Variants in LRRFIP2 observed in about 807,000 individuals in gnomAD.
LRRFIP2 encodes leucine-rich repeat flightless-interacting protein 2.
A neutral mutation model predicts 125.9 loss-of-function variants in LRRFIP2; 109 were observed. The ratio of observed to expected loss-of-function variants is 0.87; its 90% confidence interval spans 0.74 to 1.01. The LOEUF (loss-of-function observed/expected upper bound fraction) is 1.01. Among genes scored for constraint, LRRFIP2 ranks in the 50% least tolerant of loss-of-function variants. The probability of loss-of-function intolerance (pLI) is 0.00; values close to 1 mark genes in which losing one functional copy is unlikely to be tolerated. For missense variants in LRRFIP2, 850 were observed against 862.3 expected (o/e 0.99, Z 0.18); for synonymous variants, 291 against 293.1 (o/e 0.99, Z 0.07).
intron 1 of LRRFIP2, among the ~76,000 whole-genome samples, chr3:37,158,015 G>A (rs2096245837): frequency 1.3e-5 from 2 of 152,254 alleles, no homozygotes; most frequent in Middle Eastern, 3.4e-3. Flanking sequence ...TAACATGCCA[G>A]TGGTTGCATT....
intron 18 of LRRFIP2, 105 bp from the exon 19 acceptor site, chr3:37,083,911 T>A: frequency 2.3e-6 from 2 of 853,020 alleles, no homozygotes; most frequent in South Asian, 3.6e-5. Context: ...AGATGCATTT[T>A]CATAAAATAC....
intron 21 of LRRFIP2, chr3:37,068,469 G>A (rs1037130799): frequency 2.0e-5 from 3 of 152,122 alleles, no homozygotes; most frequent in African/African-American, 7.2e-5. Flanking sequence ...TTACAGATGA[G>A]AAAATAAAAT....
chr3:37,114,191 C>T (rs1002629880), intron 7 of LRRFIP2, among the ~76,000 whole-genome samples: 1 of 151,906 alleles, frequency 6.6e-6, no homozygotes. Flanking sequence ...GAAACTCAGG[C>T]AACCTATTGA....
At chr3:37,158,857 A>G (rs1263215432) in intron 1 of LRRFIP2, among the ~76,000 whole-genome samples, 1 of 152,178 alleles carries the variant, frequency 6.6e-6, no homozygotes, top group Non-Finnish European at 1.5e-5. Flanking sequence ...TCCCTTTTCA[A>G]CAAATATTTA....
At position 37,094,917 on chromosome 3, in the gene LRRFIP2, A is replaced by G. The variant is rs550778015; in HGVS notation, c.919-9T>C. 141 of 1,488,088 alleles carry G rather than the reference A, an allele frequency of 9.5e-5. No homozygotes were observed. Among genetic ancestry groups the G allele is most frequent in the Middle Eastern group, 7.0e-4 (4 of 5,738 alleles). The allele number at this position is 1,488,088 out of a possible 1,614,324, so 92.2% of individuals were successfully genotyped here. A position where few individuals can be genotyped will look rare whatever the true frequency, so the allele number is the denominator to read the frequency against. ...GAATTTCGAGATGAAGGCTAGAAAG[A>G]GAAATATGACCCTTCTAAGTCTCAT... On this transcript the variant is annotated splice_polypyrimidine_tract_variant and intron_variant, in intron 16 of 27. Coordinates refer to ENST00000336686, the MANE Select transcript of LRRFIP2 (RefSeq NM_006309.4).
chr3:37,121,406 G>A, intron 6 of LRRFIP2, 86 bp downstream of exon 6: 1 of 1,253,498 alleles, frequency 8.0e-7, no homozygotes, highest in Non-Finnish European at 1.2e-6. Context: ...AAGAAATACA[G>A]GAACATTGTC....
chr3:37,144,318 C>T (rs569501048), intron 2 of LRRFIP2, among the ~76,000 whole-genome samples: 1 of 152,344 alleles, frequency 6.6e-6, no homozygotes, highest in African/African-American at 2.4e-5. Context: ...TCTCTTTCTC[C>T]CTTCCTTTCT....
chr3:37,170,874 G>C (rs756019417), intron 1 of LRRFIP2: 8 of 152,206 alleles, frequency 5.3e-5, no homozygotes, highest in Non-Finnish European at 1.0e-4. Flanking sequence ...AGGAGTTAGA[G>C]ACCAGCGTGG....
intron 1 of LRRFIP2, among the ~76,000 whole-genome samples, chr3:37,165,776 A>AG (rs1396723929): frequency 3.3e-5 from 5 of 150,104 alleles, no homozygotes; most frequent in East Asian, 2.0e-4. Context: ...AAAAGAAAAG[A>AG]AAAGAAAAGA....
chr3:37,055,625 G>C (rs754846186), intron 25 of LRRFIP2, among the ~76,000 whole-genome samples: 8 of 152,164 alleles, frequency 5.3e-5, no homozygotes, highest in Non-Finnish European at 7.4e-5. Context: ...ATCTTCAGCA[G>C]CCCAGGTTCT....
In LRRFIP2 at chr3:37,058,864, G is replaced by A. The variant is rs1415230763; in HGVS notation, c.1796C>T (p.Ser599Phe). The change falls in exon 25 of 28, where the codon TCC (serine) becomes TTC (phenylalanine). Residue 599 changes from serine to phenylalanine, a missense_variant. By Grantham distance (155) the Ser-to-Phe change is radical. Coordinates refer to ENST00000336686, the MANE Select transcript of LRRFIP2 (RefSeq NM_006309.4). ...GTCACCCACTGTGCCATCATTCCTG[G>A]AGCATTTCTGTCGTTCCTCCTCTAA... ...LQLEEERQKC[S>F]RNDGTVGDLA... The A allele has an allele frequency of 3.7e-6, 6 of 1,613,772 alleles. No homozygotes were observed. The highest frequency in any genetic ancestry group is 5.1e-6 in the Non-Finnish European group (6 of 1,179,932).
chr3:37,069,679 T>C (rs2090812482), intron 21 of LRRFIP2, among the ~76,000 whole-genome samples: 1 of 152,196 alleles, frequency 6.6e-6, no homozygotes, highest in Non-Finnish European at 1.5e-5. Context: ...CACTGAACTG[T>C]ACACTTAAAA....
intron 18 of LRRFIP2, among the ~76,000 whole-genome samples, chr3:37,085,988 T>C (rs990221232): frequency 2.0e-5 from 3 of 152,224 alleles, no homozygotes; most frequent in African/African-American, 7.2e-5. Flanking sequence ...AAGGGACTTA[T>C]ATGCAGAATA....
intron 13 of LRRFIP2, 123 bp downstream of exon 13, chr3:37,107,950 G>T: frequency 1.5e-6 from 1 of 685,726 alleles, no homozygotes; most frequent in Non-Finnish European, 2.4e-6. Flanking sequence ...ATGTACTAAG[G>T]GAACACCTAA....
intron 2 of LRRFIP2, among the ~76,000 whole-genome samples, chr3:37,146,593 G>A (rs1322130416): frequency 2.0e-5 from 3 of 152,188 alleles, no homozygotes; most frequent in Admixed American, 2.0e-4. Context: ...GTGTTAGTCT[G>A]TTGAGGATAA....
At chr3:37,127,246 A>G (rs769462880) in intron 4 of LRRFIP2, among the ~76,000 whole-genome samples, 1 of 152,194 alleles carries the variant, frequency 6.6e-6, no homozygotes, top group Non-Finnish European at 1.5e-5. Context: ...TTGATATAAT[A>G]AGAGTAATTT....
chr3:37,172,601 C>T (rs185594601), intron 1 of LRRFIP2, among the ~76,000 whole-genome samples: 19 of 152,160 alleles, frequency 1.2e-4, no homozygotes, highest in Admixed American at 1.0e-3. Context: ...ATGAAATAAG[C>T]ATTCTCCTTC....
chr3:37,161,179 T>TAAAAAAAA (rs60688555), intron 1 of LRRFIP2, among the ~76,000 whole-genome samples: 23 of 88,022 alleles, frequency 2.6e-4, no homozygotes, highest in Admixed American at 4.1e-4. Context: ...CCCCATCTAC[T>TAAAAAAAA]AAAAAAAAAA....
At chr3:37,113,594 T>C (rs2094639223) in intron 7 of LRRFIP2, among the ~76,000 whole-genome samples, 2 of 152,274 alleles carry the variant, frequency 1.3e-5, no homozygotes, top group East Asian at 1.9e-4. Context: ...GAGACACCAC[T>C]CCTGGCTAAG....
Sources: gnomAD v4.1 joint callset for allele counts (sites outside exome capture counted in the v4.1 genomes callset) on GRCh38, gnomAD v4.1.1 for gene constraint, MANE v1.5 for transcripts, NCBI Gene and HGNC (gene_info 2026-07-23, HGNC 2026-07-21) for gene names.